COL5A1: variants seen among roughly 807,000 people sequenced by gnomAD.
COL5A1 encodes the protein collagen alpha-1(V) chain.
In COL5A1, 16 loss-of-function variants were observed where a neutral mutation model predicts 263.7. That is an observed-to-expected ratio of 0.06 (90% CI 0.04 to 0.09). COL5A1 has a LOEUF of 0.09. COL5A1 is among the 10% of genes least tolerant of loss of function. The probability of loss-of-function intolerance (pLI) is 1.00; values close to 1 mark genes in which losing one functional copy is unlikely to be tolerated. For missense variants in COL5A1, 2,036 were observed against 2,540.5 expected (o/e 0.80, Z 4.27); for synonymous variants, 1,012 against 1,004.5 (o/e 1.01, Z -0.14).
At chr9:134,753,949 C>T in intron 15 of COL5A1, 46 bp downstream of exon 15, 1 of 1,551,050 alleles carries the variant, frequency 6.4e-7, no homozygotes, top group Non-Finnish European at 8.9e-7. Context: ...GCCTCCCGTT[C>T]TCCGGCGGCA....
Position 134,686,129 on chromosome 9 carries a change from T to A in COL5A1, c.110-4783T>A, listed in dbSNP as rs1253485374. ...TATGTGCCAGTGCTGCAGTCTTGCT[T>A]GTATTTCTTATCAGGGTCTTTGTGC... On this transcript the variant is annotated intron_variant, in intron 1 of 65. Coordinates refer to ENST00000371817, the MANE Select transcript of COL5A1 (RefSeq NM_000093.5). The surrounding 1 kb of genome is among the most constrained non-coding windows in gnomAD (Gnocchi z 4.6). Among the ~76,000 whole-genome samples, 1 of 152,234 alleles carries A rather than the reference T, an allele frequency of 6.6e-6. No homozygotes were observed. Among genetic ancestry groups the A allele is most frequent in the African/African-American group, 2.4e-5 (1 of 41,476 alleles).
At chr9:134,750,973 C>A in intron 13 of COL5A1, 91 bp downstream of exon 13, 1 of 1,095,404 alleles carries the variant, frequency 9.1e-7, no homozygotes, top group Non-Finnish European at 1.4e-6. Context: ...CAGAGCCCAA[C>A]TTGGAGGGAA....
rs780730461 is a variant in COL5A1 at position 134,758,346 on chromosome 9, G to A, written c.1935+50G>A. The A allele has an allele frequency of 6.3e-7, 1 of 1,586,444 alleles. No homozygotes were observed. Among genetic ancestry groups the A allele is most frequent in the Non-Finnish European group, 8.7e-7 (1 of 1,155,086 alleles). On this transcript the variant is annotated intron_variant, in intron 18 of 65. Transcript: ENST00000371817. This position sits in a 1 kb window ranked among gnomAD's most constrained non-coding sequence, Gnocchi z 4.1. ...AGGCATGACGATGGGCAGCAGAGGT[G>A]TCTCTCGGGAGGCCCTTCTCCTTCC...
intron 1 of COL5A1, among the ~76,000 whole-genome samples, chr9:134,685,953 C>T (rs1833065074): frequency 6.6e-6 from 1 of 151,606 alleles, no homozygotes; most frequent in Non-Finnish European, 1.5e-5. Context: ...ATCCATCCAT[C>T]CATCCACTCA....
chr9:134,785,289 T>C (rs891354488), intron 30 of COL5A1, among the ~76,000 whole-genome samples, 193 bp downstream of exon 30: 1 of 152,076 alleles, frequency 6.6e-6, no homozygotes, highest in Non-Finnish European at 1.5e-5. Flanking sequence ...ACCCTTTCCT[T>C]GTCCCGGGTT....
intron 11 of COL5A1, among the ~76,000 whole-genome samples, chr9:134,740,870 G>T (rs1835275810): frequency 6.6e-6 from 1 of 152,226 alleles, no homozygotes; most frequent in South Asian, 2.1e-4. Context: ...TCACATCAGG[G>T]TCCAGGAGCA....
intron 65 of COL5A1, among the ~76,000 whole-genome samples, chr9:134,836,199 C>T (rs190527445): frequency 3.6e-4 from 55 of 151,890 alleles, no homozygotes; most frequent in African/African-American, 1.1e-3. Flanking sequence ...GTCCAGGAAT[C>T]GTTGTGTGGT....
At chr9:134,772,861 C>G (rs751595148) in intron 26 of COL5A1, 27 bp downstream of exon 26, 1 of 1,612,318 alleles carries the variant, frequency 6.2e-7, no homozygotes, top group Non-Finnish European at 8.5e-7. Context: ...CCCTCCTACC[C>G]TTCAGCATCC....
At position 134,782,758 on chromosome 9, in the gene COL5A1, C is replaced by A. The variant is rs769944576; in HGVS notation, c.2484+38C>A. ...GGTTTGGGATTTGGGCTGGGGAAAG[C>A]TGGGTGGGCTTGGCCGTGTGGGAGG... is the stretch of plus-strand genomic sequence containing the variant. On this transcript the variant is annotated intron_variant, in intron 29 of 65. Transcript: ENST00000371817. 3.5e-6 allele frequency: 5 copies of A among 1,416,686 alleles called. No individual in the cohort carries two copies. In the Admixed American group the frequency reaches 6.8e-5, roughly 19 times the overall value. 87.8% of individuals were successfully genotyped at this position (1,416,686 alleles called of 1,614,324 possible). A position where few individuals can be genotyped will look rare whatever the true frequency, so the allele number is the denominator to read the frequency against.
At chr9:134,689,057 C>G (rs1833178234) in intron 1 of COL5A1, among the ~76,000 whole-genome samples, 1 of 152,204 alleles carries the variant, frequency 6.6e-6, no homozygotes, top group African/African-American at 2.4e-5. Flanking sequence ...CGCTGAGTCC[C>G]CTGGAGGGAC....
intron 44 of COL5A1, chr9:134,810,572 T>C: frequency 4.0e-6 from 2 of 498,406 alleles, no homozygotes; most frequent in Admixed American, 3.5e-5. Flanking sequence ...GTTTCTGTCC[T>C]AGAGGGCTTG....
chr9:134,772,988 C>T (rs538399635), intron 26 of COL5A1, among the ~76,000 whole-genome samples, 154 bp downstream of exon 26: 3 of 152,192 alleles, frequency 2.0e-5, no homozygotes, highest in East Asian at 1.9e-4. Context: ...AGGGACCCAG[C>T]CTGGGGGGGA....
In COL5A1 at chr9:134,824,749, C is replaced by A. The variant is rs747427505; in HGVS notation, c.4848C>A (p.Asn1616Lys). Residue 1616 changes from asparagine to lysine, a missense_variant, in exon 62 of 66, where the codon AAC becomes AAA. This residue lies in a region of COL5A1 where 358 missense variants were observed against 384.6 expected (regional missense o/e 0.93). Coordinates refer to ENST00000371817, the MANE Select transcript of COL5A1 (RefSeq NM_000093.5). ...TGGAAGAGATCTTCGGCTCTCTCAA[C>A]TCTCTGAAGCTGGAGATTGAGCAGA... ...DGMEEIFGSLNSLKLEIEQMK... is the reference protein window; with the variant it reads ...DGMEEIFGSLKSLKLEIEQMK... The A allele has an allele frequency of 6.2e-7, 1 of 1,614,220 alleles. No individual in the cohort carries two copies. The highest frequency in any genetic ancestry group is 2.2e-5 in the East Asian group (1 of 44,868).
chr9:134,782,771 G>C (rs749394863), intron 29 of COL5A1, 51 bp downstream of exon 29: 32 of 1,542,128 alleles, frequency 2.1e-5, no homozygotes, highest in Non-Finnish European at 9.0e-6. Flanking sequence ...GGTGGGCTTG[G>C]CCGTGTGGGA....
At chr9:134,668,605 A>G (rs1832427703) in intron 1 of COL5A1, among the ~76,000 whole-genome samples, 1 of 151,746 alleles carries the variant, frequency 6.6e-6, no homozygotes, top group Non-Finnish European at 1.5e-5. Context: ...CATACCATTA[A>G]TCTACCCATA....
In COL5A1 at chr9:134,825,806, G is replaced by A. The variant is rs892181156; in HGVS notation, c.4969G>A (p.Asp1657Asn). The change falls in exon 63 of 66, where the codon GAT becomes AAT. Residue 1657 changes from aspartate to asparagine, a missense_variant. Around this residue, in one of 3 missense-constraint regions of COL5A1, gnomAD observed 358 missense variants for 384.6 expected, o/e 0.93. Transcript: ENST00000371817. The part of the protein sequence containing the change: ...PDFPDGEYWV[D>N]PNQGCSRDSF... ...CTGAAATCCAGGTGAATACTGGGTC[G>A]ATCCTAACCAAGGATGCTCCAGGGA... 2.5e-6 allele frequency: 4 copies of A among 1,611,768 alleles called. No individual in the cohort carries two copies. The highest frequency in any genetic ancestry group is 2.2e-5 in the East Asian group (1 of 44,774).
intron 34 of COL5A1, among the ~76,000 whole-genome samples, chr9:134,795,887 C>T (rs759084216): frequency 9.2e-5 from 14 of 152,218 alleles, no homozygotes; most frequent in Non-Finnish European, 1.8e-4. Context: ...GCTGAGGGGC[C>T]GAGCTGGCCC....
At chr9:134,751,266 T>C (rs1392461210) in intron 13 of COL5A1, among the ~76,000 whole-genome samples, 1 of 152,046 alleles carries the variant, frequency 6.6e-6, no homozygotes, top group African/African-American at 2.4e-5. Flanking sequence ...GGGGACTGTT[T>C]GGGGAGTTTC....
chr9:134,763,163 CG>C (rs1836530324), intron 19 of COL5A1, among the ~76,000 whole-genome samples: 1 of 152,092 alleles, frequency 6.6e-6, no homozygotes, highest in Non-Finnish European at 1.5e-5. Flanking sequence ...GTGAGGCGGG[CG>C]GGAAGGTGCA....
Sources: allele counts gnomAD v4.1 joint callset (sites outside exome capture counted in the v4.1 genomes callset), GRCh38; gene constraint gnomAD v4.1.1; regional missense constraint gnomAD v4.1.1; non-coding constraint Gnocchi (gnomAD v3.1); transcripts MANE v1.5; gene names NCBI Gene and HGNC (gene_info 2026-07-23, HGNC 2026-07-21).